Variants in CTBP2 observed in about 807,000 individuals in gnomAD.
The protein encoded by CTBP2 is C-terminal binding protein 2.
Under a neutral mutation model 80.3 loss-of-function variants are expected in CTBP2, and 30 were observed. The observed-to-expected ratio is 0.37, with a 90% CI of 0.28 to 0.51. CTBP2 has a LOEUF of 0.51. Among genes scored for constraint, CTBP2 ranks in the 20% least tolerant of loss-of-function variants. CTBP2 has a pLI of 0.93. For missense variants in CTBP2, 1,212 were observed against 1,375.3 expected (o/e 0.88, Z 1.88); for synonymous variants, 594 against 587.4 (o/e 1.01, Z -0.16).
intron 1 of CTBP2, among the ~76,000 whole-genome samples, chr10:125,146,343 C>T (rs539222472): frequency 4.0e-5 from 6 of 151,186 alleles, no homozygotes; most frequent in South Asian, 2.1e-4. Flanking sequence ...TGCAATGGCA[C>T]GATCTTGGCT....
intron 1 of CTBP2, among the ~76,000 whole-genome samples, chr10:125,011,053 T>C (rs4962721): frequency 0.99 from 151,042 of 152,314 alleles, 74,914 homozygotes; most frequent in East Asian, 1. Flanking sequence ...TTCCCCCTGC[T>C]TTTCTGTAAG....
intron 1 of CTBP2, among the ~76,000 whole-genome samples, chr10:125,152,401 G>A (rs1311975462): frequency 6.6e-6 from 1 of 152,244 alleles, no homozygotes; most frequent in African/African-American, 2.4e-5. Context: ...GACACCGGAA[G>A]TCGTCCTGGA....
chr10:125,055,826 A>C (rs1352862710), intron 2 of CTBP2, among the ~76,000 whole-genome samples: 2 of 152,182 alleles, frequency 1.3e-5, no homozygotes, highest in African/African-American at 2.4e-5. Flanking sequence ...GGGAAGGAGG[A>C]GGCTCCAAGA....
chr10:125,027,089 G>A lies in CTBP2; in HGVS notation c.671C>T (p.Ala224Val). Residue 224 changes from alanine to valine, a missense_variant, in exon 1 of 9, where the codon GCC becomes GTC. Ala to Val is a moderately conservative substitution (Grantham distance 64). Transcript: ENST00000309035. Reference sequence around the variant, plus strand: ...CAGGCACGTCGGGGCCACCTGTCTGGCAGGGGCAGGGTCAATGGGTCTTTC... The same window carrying A: ...CAGGCACGTCGGGGCCACCTGTCTGACAGGGGCAGGGTCAATGGGTCTTTC... The A allele has an allele frequency of 6.2e-7, 1 of 1,611,226 alleles. No homozygotes were observed. Among genetic ancestry groups the A allele is most frequent in the East Asian group, 2.2e-5 (1 of 44,836 alleles).
intron 2 of CTBP2, among the ~76,000 whole-genome samples, chr10:125,108,754 C>CA (rs1851846599): frequency 6.6e-6 from 1 of 152,232 alleles, no homozygotes; most frequent in African/African-American, 2.4e-5. Flanking sequence ...GGGCCACACT[C>CA]AGTGTGTGCG....
chr10:125,108,706 T>C (rs1476876929), intron 2 of CTBP2, among the ~76,000 whole-genome samples: 2 of 138,196 alleles, frequency 1.4e-5, no homozygotes, highest in Non-Finnish European at 3.1e-5. Context: ...TTTATCCTGC[T>C]TCTGGGGTGG....
upstream of CTBP2, among the ~76,000 whole-genome samples, chr10:125,030,424 C>T (rs1417992979): frequency 6.6e-6 from 1 of 152,186 alleles, no homozygotes; most frequent in Non-Finnish European, 1.5e-5. Context: ...ACAACAGAGA[C>T]CTACAGAGAT....
chr10:125,007,288 G>A (rs1955372796), intron 1 of CTBP2, among the ~76,000 whole-genome samples: 1 of 152,252 alleles, frequency 6.6e-6, no homozygotes, highest in Admixed American at 6.5e-5. Flanking sequence ...GTGTGCACCA[G>A]GACGGCCCTG....
At chr10:125,041,280 A>G (rs891742034) in intron 2 of CTBP2, among the ~76,000 whole-genome samples, 1 of 152,090 alleles carries the variant, frequency 6.6e-6, no homozygotes, top group Non-Finnish European at 1.5e-5. Flanking sequence ...GGGGTTTCAC[A>G]CCATGTTGCC....
intron 3 of CTBP2, among the ~76,000 whole-genome samples, chr10:125,001,933 AG>A (rs1211619756): frequency 6.6e-6 from 1 of 151,910 alleles, no homozygotes; most frequent in African/African-American, 2.4e-5. Flanking sequence ...GGTGCCCGAG[AG>A]CAGGATTCTC....
At chr10:125,014,436 A>C (rs1196977421) in intron 1 of CTBP2, among the ~76,000 whole-genome samples, 1 of 152,238 alleles carries the variant, frequency 6.6e-6, no homozygotes, top group East Asian at 1.9e-4. Context: ...TGGGTGACAG[A>C]GTGAGACTTG....
intron 2 of CTBP2, among the ~76,000 whole-genome samples, chr10:125,049,014 C>G (rs546617845): frequency 1.3e-5 from 2 of 150,174 alleles, no homozygotes; most frequent in East Asian, 4.1e-4. Flanking sequence ...CATTAATGTG[C>G]TCTCTGGCCT....
chr10:125,038,445 C>T (rs1056388306), intron 3 of CTBP2, among the ~76,000 whole-genome samples: 5 of 152,152 alleles, frequency 3.3e-5, no homozygotes, highest in African/African-American at 1.2e-4. Context: ...TGGAAGAGCG[C>T]AGTGCTTAAT....
chr10:125,126,206 C>A (rs1855222642), intron 1 of CTBP2, among the ~76,000 whole-genome samples: 1 of 152,198 alleles, frequency 6.6e-6, no homozygotes, highest in African/African-American at 2.4e-5. Context: ...TGACCTCAGG[C>A]AAGTCACTTA....
chr10:125,069,025 G>A (rs1423376000), intron 2 of CTBP2, among the ~76,000 whole-genome samples: 3 of 152,084 alleles, frequency 2.0e-5, no homozygotes, highest in Admixed American at 1.3e-4. Flanking sequence ...AGAAGGGAAC[G>A]ATGCACTCAC....
At chr10:125,047,477 C>T (rs1324101637) in intron 2 of CTBP2, among the ~76,000 whole-genome samples, 1 of 152,138 alleles carries the variant, frequency 6.6e-6, no homozygotes, top group African/African-American at 2.4e-5. Context: ...TGGGCACACA[C>T]AATACAATTG....
intron 1 of CTBP2, among the ~76,000 whole-genome samples, chr10:125,137,144 T>TACTGAAAGC (rs1260074005): frequency 1.3e-5 from 2 of 152,226 alleles, no homozygotes; most frequent in Non-Finnish European, 2.9e-5. Flanking sequence ...TTCGCCAAGA[T>TACTGAAAGC]ACTGAAAGCA....
rs568619910 is a variant in CTBP2 at position 125,071,050 on chromosome 10, A to G, written c.-101-31895T>C. 5.9e-5 allele frequency among the ~76,000 whole-genome samples: 9 copies of G among 152,322 alleles called. No homozygotes were observed. In the East Asian group the frequency reaches 1.3e-3, roughly 23 times the overall value. On this transcript the variant is annotated intron_variant, in intron 2 of 10. Coordinates refer to the CTBP2 transcript ENST00000337195. ...TATGCGGTGATTGCTTCCCTCCCCAATTCTGAGCAGATGCTGCTCTCTGTT... is the reference window on the plus strand; with the variant it reads ...TATGCGGTGATTGCTTCCCTCCCCAGTTCTGAGCAGATGCTGCTCTCTGTT...
intron 1 of CTBP2, among the ~76,000 whole-genome samples, chr10:125,021,885 C>G (rs146991261): frequency 0.012 from 1,787 of 152,336 alleles, 39 homozygotes; most frequent in African/African-American, 0.04. Context: ...ACCTGGGAAC[C>G]GTTCAGCTGC....
Sources: allele counts gnomAD v4.1 joint callset (sites outside exome capture counted in the v4.1 genomes callset), GRCh38; gene constraint gnomAD v4.1.1; transcripts MANE v1.5; gene names NCBI Gene and HGNC (gene_info 2026-07-23, HGNC 2026-07-21).